Variants in CSMD1 observed in about 807,000 individuals in gnomAD.
The protein encoded by CSMD1 is CUB and sushi domain-containing protein 1.
CSMD1 carries 213 observed loss-of-function variants against 417.5 expected under a neutral mutation model. That is an observed-to-expected ratio of 0.51 (90% CI 0.46 to 0.57). The LOEUF is 0.57. Ranked by LOEUF, CSMD1 falls within the 20% of genes least tolerant of loss-of-function variation. CSMD1 has a pLI of 0.00. For missense variants in CSMD1, 6,923 were observed against 4,529.7 expected (o/e 1.53, Z -15.17); for synonymous variants, 2,862 against 1,736.8 (o/e 1.65, Z -16.11).
intron 1 of CSMD1, among the ~76,000 whole-genome samples, chr8:4,979,790 C>T (rs1332541598): frequency 6.6e-6 from 1 of 152,166 alleles, no homozygotes; most frequent in Non-Finnish European, 1.5e-5. Flanking sequence ...GTAATCCCAG[C>T]ACTTTGGGAG....
At chr8:3,802,107 T>C (rs1174291747) in intron 5 of CSMD1, among the ~76,000 whole-genome samples, 1 of 152,160 alleles carries the variant, frequency 6.6e-6, no homozygotes, top group Non-Finnish European at 1.5e-5. Flanking sequence ...TTAATAACAT[T>C]GTTTTAAAAA....
chr8:4,372,615 G>C (rs1196564564), intron 3 of CSMD1, among the ~76,000 whole-genome samples: 1 of 135,448 alleles, frequency 7.4e-6, no homozygotes, highest in Non-Finnish European at 1.6e-5. Flanking sequence ...TTTACTGTCA[G>C]AAAGTAAGGA....
chr8:3,607,773 C>G (rs539004097), intron 8 of CSMD1, among the ~76,000 whole-genome samples: 1 of 152,340 alleles, frequency 6.6e-6, no homozygotes, highest in Admixed American at 6.5e-5. Flanking sequence ...TCTCCATTAA[C>G]TGGCAATACT....
intron 5 of CSMD1, among the ~76,000 whole-genome samples, chr8:3,811,176 A>G (rs887389626): frequency 6.6e-6 from 1 of 152,120 alleles, no homozygotes; most frequent in Non-Finnish European, 1.5e-5. Context: ...TGAGATCTGA[A>G]TTCTTTTTCT....
chr8:3,162,315 G>A, intron 37 of CSMD1, 38 bp from the exon 38 acceptor site: 1 of 1,300,530 alleles, frequency 7.7e-7, no homozygotes, highest in Non-Finnish European at 1.1e-6. Flanking sequence ...ATTATATGAT[G>A]TAAACAATAT....
At chr8:4,345,112 G>C (rs958261861) in intron 3 of CSMD1, among the ~76,000 whole-genome samples, 3 of 152,130 alleles carry the variant, frequency 2.0e-5, no homozygotes, top group African/African-American at 7.2e-5. Context: ...CAGCCAAGGG[G>C]AGCTAAACCT....
chr8:4,327,171 A>C (rs910933731), intron 3 of CSMD1, among the ~76,000 whole-genome samples: 12 of 152,208 alleles, frequency 7.9e-5, no homozygotes, highest in African/African-American at 2.9e-4. Flanking sequence ...TAGATACATT[A>C]TTGTATATAT....
chr8:3,791,739 C>G (rs887311565), intron 5 of CSMD1, among the ~76,000 whole-genome samples: 1 of 152,106 alleles, frequency 6.6e-6, no homozygotes, highest in African/African-American at 2.4e-5. Flanking sequence ...AAGAGAATCG[C>G]TTGAGCCTGG....
At chr8:3,865,469 A>G (rs1290170360) in intron 5 of CSMD1, among the ~76,000 whole-genome samples, 3 of 151,910 alleles carry the variant, frequency 2.0e-5, no homozygotes, top group Non-Finnish European at 4.4e-5. Context: ...CTCTTCAGAG[A>G]TGGGAGGTGC....
At chr8:4,323,435 T>G (rs1489451002) in intron 3 of CSMD1, among the ~76,000 whole-genome samples, 1 of 152,192 alleles carries the variant, frequency 6.6e-6, no homozygotes, top group Non-Finnish European at 1.5e-5. Flanking sequence ...GTCACCCCAT[T>G]TGATTCAAAG....
intron 3 of CSMD1, among the ~76,000 whole-genome samples, chr8:4,052,055 C>A (rs1477044961): frequency 6.6e-6 from 1 of 151,998 alleles, no homozygotes; most frequent in Non-Finnish European, 1.5e-5. Context: ...CCTGCCTCAG[C>A]CTCCCAAGTA....
chr8:3,383,128 G>C (rs1261371762), intron 18 of CSMD1, among the ~76,000 whole-genome samples: 1 of 152,118 alleles, frequency 6.6e-6, no homozygotes, highest in Non-Finnish European at 1.5e-5. Context: ...TAGATGGATT[G>C]AAGTTATAAA....
chr8:4,848,464 T>C (rs1801273868), intron 1 of CSMD1, among the ~76,000 whole-genome samples: 1 of 152,180 alleles, frequency 6.6e-6, no homozygotes, highest in Non-Finnish European at 1.5e-5. Flanking sequence ...GGGTTTGTTG[T>C]GATGTTGGTG....
intron 1 of CSMD1, chr8:4,788,053 A>G (rs1485667790): frequency 6.3e-6 from 10 of 1,594,590 alleles, no homozygotes; most frequent in Non-Finnish European, 7.7e-6. Context: ...GTAAAGAAAA[A>G]CTTTGAGTGG....
chr8:3,491,308 C>T (rs888141638), intron 11 of CSMD1, among the ~76,000 whole-genome samples: 1 of 152,142 alleles, frequency 6.6e-6, no homozygotes, highest in East Asian at 1.9e-4. Context: ...ATCCTTTAAC[C>T]TATCAAAACT....
intron 3 of CSMD1, among the ~76,000 whole-genome samples, chr8:4,365,409 T>C (rs1802005465): frequency 6.6e-6 from 1 of 152,228 alleles, no homozygotes; most frequent in East Asian, 1.9e-4. Context: ...AATGTTAATT[T>C]TGCCTAACCT....
At chr8:2,984,598 T>C (rs1476928074) in intron 54 of CSMD1, among the ~76,000 whole-genome samples, 2 of 152,184 alleles carry the variant, frequency 1.3e-5, no homozygotes, top group Non-Finnish European at 2.9e-5. Context: ...CCACCCACCT[T>C]GGGCTCCCAA....
At chr8:3,248,508 T>G (rs1397852463) in intron 26 of CSMD1, among the ~76,000 whole-genome samples, 1 of 144,038 alleles carries the variant, frequency 6.9e-6, no homozygotes, top group Non-Finnish European at 1.5e-5. Context: ...GGTACGCCTG[T>G]AATCAATTCC....
intron 5 of CSMD1, among the ~76,000 whole-genome samples, chr8:3,933,911 T>C (rs144563615): frequency 6.6e-6 from 1 of 151,998 alleles, no homozygotes; most frequent in African/African-American, 2.4e-5. Context: ...ACCTAGTAAA[T>C]ATGGGTGAAA....
Sources: allele counts gnomAD v4.1 joint callset (sites outside exome capture counted in the v4.1 genomes callset), GRCh38; gene constraint gnomAD v4.1.1; transcripts MANE v1.5; gene names NCBI Gene and HGNC (gene_info 2026-07-23, HGNC 2026-07-21).